Variants in SCLT1 observed in about 807,000 individuals in gnomAD.
SCLT1 encodes the protein sodium channel and clathrin linker 1.
A neutral mutation model predicts 112.8 loss-of-function variants in SCLT1; 78 were observed. The ratio of observed to expected loss-of-function variants is 0.69; its 90% CI spans 0.58 to 0.83. SCLT1 has a LOEUF of 0.83. SCLT1 is among the 40% of genes least tolerant of loss of function. The pLI is 0.00. For synonymous variants in SCLT1, 257 were observed against 254.7 expected (o/e 1.01, Z -0.09); for missense variants, 747 against 770.4 (o/e 0.97, Z 0.36).
chr4:129,086,076 CT>C (rs1300014468), intron 1 of SCLT1, among the ~76,000 whole-genome samples: 4 of 150,820 alleles, frequency 2.7e-5, no homozygotes, highest in African/African-American at 4.9e-5. Context: ...TTTTTTTTCC[CT>C]GACAGAGTTT....
At chr4:128,991,866 TATC>T (rs1742604019) in intron 9 of SCLT1, among the ~76,000 whole-genome samples, 1 of 151,868 alleles carries the variant, frequency 6.6e-6, no homozygotes, top group Non-Finnish European at 1.5e-5. Flanking sequence ...TATTATAAGT[TATC>T]AGATTATTTA....
At position 128,926,499 on chromosome 4, in the gene SCLT1, T is replaced by C. The variant is rs116169552; in HGVS notation, c.1829+10156A>G. Among the ~76,000 whole-genome samples, 644 of 152,220 alleles carry C rather than the reference T, an allele frequency of 4.2e-3. 8 individuals carry two copies. Among genetic ancestry groups the C allele is most frequent in the African/African-American group, 0.014 (582 of 41,518 alleles). On this transcript the variant is annotated intron_variant, in intron 18 of 20. Transcript: ENST00000281142. ...CTTTCAAGAATAAACAAAAAGTAAA[T>C]ATATTTTATGAGCAGCAGTTGAGAA...
chr4:129,049,764 G>T (rs1275209572), intron 2 of SCLT1, among the ~76,000 whole-genome samples: 1 of 151,490 alleles, frequency 6.6e-6, no homozygotes, highest in Non-Finnish European at 1.5e-5. Flanking sequence ...GGATACATGT[G>T]CAGAACGTTC....
At chr4:128,877,023 A>C (rs926283289) in intron 3 of SCLT1, among the ~76,000 whole-genome samples, 1 of 152,182 alleles carries the variant, frequency 6.6e-6, no homozygotes, top group African/African-American at 2.4e-5. Context: ...TTTCCTTAAC[A>C]CAAGTCTTGC....
rs1184843852 is a variant in SCLT1 at position 128,946,162 on chromosome 4, A to ATTTC, written c.1294-11_1294-10insGAAA. On this transcript the variant is annotated splice_polypyrimidine_tract_variant and intron_variant, in intron 15 of 20. Coordinates refer to ENST00000281142, the MANE Select transcript of SCLT1 (RefSeq NM_144643.4). ...TGCCTTCACGGTAAATCTGCAGAAA[A>ATTTC]GGCTTATTAGGTATATAATATTACA... 9.5e-6 allele frequency: 15 copies of ATTTC among 1,576,122 alleles called. No individual in the cohort carries two copies. The highest frequency in any genetic ancestry group is 1.7e-4 in the Middle Eastern group (1 of 5,998).
chr4:128,888,875 T>G (rs1733094886), intron 19 of SCLT1, 101 bp from the exon 20 acceptor site: 1 of 553,584 alleles, frequency 1.8e-6, no homozygotes, highest in Non-Finnish European at 3.2e-6. Flanking sequence ...TTACCACTTA[T>G]AAAATACAAA....
chr4:128,912,981 A>C (rs1735216129), intron 18 of SCLT1, among the ~76,000 whole-genome samples: 1 of 152,234 alleles, frequency 6.6e-6, no homozygotes, highest in Non-Finnish European at 1.5e-5. Flanking sequence ...TGATTTGCTG[A>C]GCATATCTGG....
intron 18 of SCLT1, among the ~76,000 whole-genome samples, chr4:128,906,473 C>G (rs1190705428): frequency 2.0e-5 from 3 of 152,202 alleles, no homozygotes; most frequent in African/African-American, 7.2e-5. Context: ...GCTGGGATTA[C>G]AGGCGTGAGT....
chr4:128,977,724 C>A (rs772655465), intron 9 of SCLT1, among the ~76,000 whole-genome samples: 1 of 151,870 alleles, frequency 6.6e-6, no homozygotes, highest in Non-Finnish European at 1.5e-5. Context: ...TAAGACGGAA[C>A]GTATCACAGA....
chr4:128,907,694 C>A (rs767989148), intron 18 of SCLT1, among the ~76,000 whole-genome samples: 3 of 151,922 alleles, frequency 2.0e-5, no homozygotes, highest in Non-Finnish European at 4.4e-5. Context: ...TAATAATTGG[C>A]CCATTTCTGT....
At chr4:129,024,147 C>A (rs924186882) in intron 5 of SCLT1, among the ~76,000 whole-genome samples, 3 of 152,212 alleles carry the variant, frequency 2.0e-5, no homozygotes, top group South Asian at 2.1e-4. Flanking sequence ...GTAACCTCTG[C>A]AGACTTAAAT....
intron 2 of SCLT1, 94 bp from the exon 3 acceptor site, chr4:129,044,145 T>C (rs1747963273): frequency 3.2e-6 from 2 of 625,972 alleles, no homozygotes; most frequent in Non-Finnish European, 5.7e-6. Flanking sequence ...ATTTTCATAA[T>C]CTTAGAAACT....
intron 5 of SCLT1, among the ~76,000 whole-genome samples, chr4:129,016,277 G>A (rs909409422): frequency 6.6e-6 from 1 of 152,058 alleles, no homozygotes; most frequent in African/African-American, 2.4e-5. Context: ...TATCACCTAG[G>A]TATTAAGCCC....
chr4:129,075,278 G>C (rs541297891), intron 2 of SCLT1, among the ~76,000 whole-genome samples: 3 of 152,206 alleles, frequency 2.0e-5, no homozygotes, highest in African/African-American at 7.2e-5. Flanking sequence ...TAGCATTTTG[G>C]GAAGATGTTC....
chr4:129,041,399 T>C (rs1028108534), intron 4 of SCLT1, among the ~76,000 whole-genome samples: 2 of 152,208 alleles, frequency 1.3e-5, no homozygotes, highest in Admixed American at 6.5e-5. Context: ...GAAATAACCT[T>C]GGAAATGAAA....
chr4:128,926,352 A>C (rs1736299561), intron 18 of SCLT1, among the ~76,000 whole-genome samples: 1 of 152,144 alleles, frequency 6.6e-6, no homozygotes, highest in Non-Finnish European at 1.5e-5. Context: ...TGGAACTCTC[A>C]TGTCTCTTAT....
At position 128,927,871 on chromosome 4, in the gene SCLT1, G is replaced by C. The variant is rs114879962; in HGVS notation, c.1829+8784C>G. 2.7e-3 allele frequency among the ~76,000 whole-genome samples: 406 copies of C among 151,928 alleles called. 4 individuals are homozygous for C. The highest frequency in any genetic ancestry group is 8.9e-3 in the African/African-American group (370 of 41,476). On this transcript the variant is annotated intron_variant, in intron 18 of 20. Coordinates refer to ENST00000281142, the MANE Select transcript of SCLT1 (RefSeq NM_144643.4). ...AAACAACTGAGAAACTCTGATAAGA[G>C]TGATAACAAAAAAAAGAGACAAGGT...
At chr4:128,942,786 T>G (rs1169292261) in intron 17 of SCLT1, among the ~76,000 whole-genome samples, 1 of 152,100 alleles carries the variant, frequency 6.6e-6, no homozygotes, top group Non-Finnish European at 1.5e-5. Flanking sequence ...AAGAATTTTT[T>G]TGTGTGTAGC....
chr4:128,895,683 G>A (rs1733686228), intron 18 of SCLT1, among the ~76,000 whole-genome samples: 1 of 152,192 alleles, frequency 6.6e-6, no homozygotes, highest in African/African-American at 2.4e-5. Context: ...GTGTCAGAAA[G>A]CGGGTGCAGG....
Sources: gnomAD v4.1 joint callset for allele counts (sites outside exome capture counted in the v4.1 genomes callset) on GRCh38, gnomAD v4.1.1 for gene constraint, MANE v1.5 for transcripts, NCBI Gene and HGNC (gene_info 2026-07-23, HGNC 2026-07-21) for gene names.